Variants in CALN1 observed in about 807,000 individuals in gnomAD.
CALN1 encodes calneuron 1, also known as calcium-binding protein 8.
A neutral mutation model predicts 30.6 loss-of-function variants in CALN1; 17 were observed. The observed-to-expected ratio is 0.56, with a 90% confidence interval of 0.38 to 0.83. CALN1 has a LOEUF of 0.83. Ranked by LOEUF, CALN1 falls within the 40% of genes least tolerant of loss-of-function variation. CALN1 has a pLI of 0.00. For missense variants in CALN1, 291 were observed against 354.9 expected, an observed-to-expected ratio of 0.82 and a Z score of 1.45; for synonymous variants, 156 against 131.4, an observed-to-expected ratio of 1.19 and a Z score of -1.28.
At chr7:72,457,471 G>A in the CALN1 span, among the ~76,000 whole-genome samples, 1 of 152,080 alleles carries the variant, frequency 6.6e-6, no homozygotes, top group South Asian at 2.1e-4. Flanking sequence ...ACACACCTTG[G>A]GGCCTTAGTG....
chr7:72,494,009 G>C, the CALN1 span, among the ~76,000 whole-genome samples: 1 of 152,282 alleles, frequency 6.6e-6, no homozygotes, highest in African/African-American at 2.4e-5. Flanking sequence ...GGGCAACATA[G>C]AGAGACCTCG....
chr7:71,812,656 CA>C, intron 5 of CALN1, among the ~76,000 whole-genome samples: 1 of 152,248 alleles, frequency 6.6e-6, no homozygotes, highest in South Asian at 2.1e-4. Context: ...GGCGTTGCAG[CA>C]TTGAAAGAAG....
intron 3 of CALN1, among the ~76,000 whole-genome samples, chr7:72,160,192 T>TTAGATTG (rs1787999420): frequency 6.6e-6 from 1 of 152,040 alleles, no homozygotes; most frequent in Admixed American, 6.6e-5. Flanking sequence ...AAAATATGAC[T>TTAGATTG]CCCTGATGAG....
rs577269542 is a variant in CALN1, at chr7:72,116,225, C to T, written c.245-9931G>A. On this transcript the variant is annotated intron_variant, in intron 3 of 6. Coordinates refer to ENST00000395275, the MANE Select transcript of CALN1 (RefSeq NM_031468.4). ...AGACATGGCAGAGGCACGCCTGAGC[C>T]GAGCCCAGTCCTGAAGGCACTTCCT... Among the ~76,000 whole-genome samples, 5 of 152,252 alleles carry T rather than the reference C, an allele frequency of 3.3e-5. No homozygotes were observed. In the East Asian group the frequency reaches 5.8e-4, roughly 18 times the overall value.
the CALN1 span, among the ~76,000 whole-genome samples, chr7:72,468,446 C>T: frequency 2.6e-5 from 4 of 152,240 alleles, no homozygotes; most frequent in Admixed American, 6.5e-5. Flanking sequence ...ACTGAGTAGG[C>T]GGGACTACAG....
Position 71,810,400 on chromosome 7 carries a change from G to A in CALN1, c.594C>T (p.Ile198=). The change falls in exon 6 of 7, where the codon ATC becomes ATT. Residue 198 remains isoleucine, a synonymous_variant. Transcript: ENST00000395275. Reference sequence around the variant, plus strand: ...TCAGGCTCTCTTCCTCATTGATAATGATGTTCTCAATGTCCTTCATCGTTA... The same window carrying A: ...TCAGGCTCTCTTCCTCATTGATAATAATGTTCTCAATGTCCTTCATCGTTA... ...DHLTMKDIEN[I]IINEEESLNE... 4.3e-6 allele frequency: 7 copies of A among 1,614,032 alleles called. No individual in the cohort carries two copies. Among genetic ancestry groups the A allele is most frequent in the Non-Finnish European group, 5.9e-6 (7 of 1,179,908 alleles).
intron 4 of CALN1, among the ~76,000 whole-genome samples, chr7:72,046,395 C>G (rs946381571): frequency 6.6e-6 from 1 of 151,994 alleles, no homozygotes. Context: ...CACACACCAC[C>G]ATGCCTAATT....
intron 3 of CALN1, among the ~76,000 whole-genome samples, chr7:72,121,764 A>G (rs1457553450): frequency 1.3e-5 from 2 of 148,496 alleles, no homozygotes; most frequent in African/African-American, 4.9e-5. Context: ...GTTTTATCAT[A>G]ATGATTATTA....
chr7:72,400,733 G>C (rs1377086478), intron 2 of CALN1, among the ~76,000 whole-genome samples: 1 of 152,230 alleles, frequency 6.6e-6, no homozygotes, highest in Non-Finnish European at 1.5e-5. Flanking sequence ...GCTGGGTTTG[G>C]TGGTGGCCAC....
intron 2 of CALN1, among the ~76,000 whole-genome samples, chr7:72,300,971 G>A (rs1263795391): frequency 6.6e-6 from 1 of 152,152 alleles, no homozygotes; most frequent in Non-Finnish European, 1.5e-5. Flanking sequence ...TCCAGCCTGG[G>A]TGACAGAGTG....
chr7:72,254,136 G>C (rs2051015938), intron 3 of CALN1, among the ~76,000 whole-genome samples: 4 of 152,012 alleles, frequency 2.6e-5, no homozygotes, highest in Admixed American at 2.6e-4. Context: ...CAGCAAACTA[G>C]ACCAACTACT....
chr7:72,341,179 T>A (rs1802365526), intron 2 of CALN1, among the ~76,000 whole-genome samples: 1 of 152,204 alleles, frequency 6.6e-6, no homozygotes, highest in South Asian at 2.1e-4. Flanking sequence ...ATCTGTTGCC[T>A]CTGTAAGCAA....
At chr7:71,971,852 T>C (rs1289585172) in intron 5 of CALN1, among the ~76,000 whole-genome samples, 2 of 148,008 alleles carry the variant, frequency 1.4e-5, no homozygotes, top group East Asian at 4.0e-4. Context: ...GAGCTGTGAT[T>C]GCTCATAGCT....
intron 3 of CALN1, among the ~76,000 whole-genome samples, chr7:72,131,628 C>T (rs1809155570): frequency 6.6e-6 from 1 of 152,178 alleles, no homozygotes; most frequent in African/African-American, 2.4e-5. Context: ...CCTGACCTAA[C>T]ATTGTTCACA....
intron 2 of CALN1, among the ~76,000 whole-genome samples, chr7:72,283,284 G>A (rs534347308): frequency 6.6e-5 from 10 of 152,230 alleles, no homozygotes; most frequent in African/African-American, 2.2e-4. Context: ...CAGCACTTTG[G>A]GAGGCCAAGG....
intron 2 of CALN1, among the ~76,000 whole-genome samples, chr7:72,368,077 C>T (rs573850658): frequency 4.7e-4 from 71 of 151,866 alleles, no homozygotes; most frequent in Non-Finnish European, 8.7e-4. Flanking sequence ...GCCGAGACTG[C>T]GCCACTGCAC....
chr7:72,426,853 A>G (rs1189844326), intron 1 of CALN1, among the ~76,000 whole-genome samples: 4 of 152,180 alleles, frequency 2.6e-5, no homozygotes, highest in Non-Finnish European at 4.4e-5. Context: ...TACAGACTCA[A>G]CAACGTGTGG....
chr7:72,431,845 CAA>C (rs1168420802), intron 1 of CALN1, among the ~76,000 whole-genome samples: 13 of 100,836 alleles, frequency 1.3e-4, no homozygotes, highest in Admixed American at 4.3e-4. Context: ...ACCTCATCTC[CAA>C]AAAAAAAAAA....
At chr7:72,043,207 T>C (rs844728) in intron 4 of CALN1, among the ~76,000 whole-genome samples, 1,856 of 152,262 alleles carry the variant, frequency 0.012, 41 homozygotes, top group African/African-American at 0.043. Context: ...CTTCTGTTCA[T>C]GGAATTTTAC....
Sources: gnomAD v4.1 joint callset for allele counts (sites outside exome capture counted in the v4.1 genomes callset) on GRCh38, gnomAD v4.1.1 for gene constraint, MANE v1.5 for transcripts, NCBI Gene and HGNC (gene_info 2026-07-23, HGNC 2026-07-21) for gene names.